The following C8orf34 variants were observed in gnomAD, a reference collection of about 807,000 sequenced individuals.
The protein encoded by C8orf34 is uncharacterized protein C8orf34.
Under a neutral mutation model 68.3 loss-of-function variants are expected in C8orf34, and 65 were observed. The ratio of observed to expected loss-of-function variants is 0.95; its 90% CI spans 0.78 to 1.17. The LOEUF (loss-of-function observed/expected upper bound fraction) is 1.17, where lower values mean the gene tolerates loss of function less well. Among genes scored for constraint, C8orf34 ranks in the 50% most tolerant of loss-of-function variants. C8orf34 has a pLI of 0.00. For missense variants in C8orf34, 664 were observed against 655.4 expected (o/e 1.01, Z -0.14); for synonymous variants, 244 against 241.2 (o/e 1.01, Z -0.11).
At chr8:68,562,783 C>A (rs549597458) in intron 7 of C8orf34, among the ~76,000 whole-genome samples, 1 of 152,148 alleles carries the variant, frequency 6.6e-6, no homozygotes, top group African/African-American at 2.4e-5. Flanking sequence ...TCAGATTGGG[C>A]GATCCTTAAG....
chr8:68,677,730 A>G (rs1199323407), intron 8 of C8orf34, among the ~76,000 whole-genome samples: 1 of 152,166 alleles, frequency 6.6e-6, no homozygotes, highest in Non-Finnish European at 1.5e-5. Flanking sequence ...AAGAAATAAT[A>G]ATGATCAGAG....
intron 10 of C8orf34, among the ~76,000 whole-genome samples, chr8:68,774,495 A>C (rs1823449800): frequency 6.6e-6 from 1 of 152,044 alleles, no homozygotes; most frequent in Non-Finnish European, 1.5e-5. Context: ...GAACTACCTT[A>C]TCTCTTTCAC....
At chr8:68,430,544 G>A (rs1810411359) in intron 1 of C8orf34, among the ~76,000 whole-genome samples, 1 of 152,134 alleles carries the variant, frequency 6.6e-6, no homozygotes, top group Admixed American at 6.6e-5. Context: ...TGCAGGATTT[G>A]ATGCCAACAC....
chr8:68,784,398 C>CTTGG (rs1280125857), intron 11 of C8orf34, among the ~76,000 whole-genome samples: 1 of 152,122 alleles, frequency 6.6e-6, no homozygotes. Flanking sequence ...TGCTGTTGAC[C>CTTGG]TTGGTCACCT....
At chr8:68,372,877 C>T (rs1374416357) in intron 1 of C8orf34, among the ~76,000 whole-genome samples, 3 of 152,202 alleles carry the variant, frequency 2.0e-5, no homozygotes, top group Admixed American at 2.0e-4. Context: ...GTAACTTTAA[C>T]AGGAAGTCAG....
intron 8 of C8orf34, among the ~76,000 whole-genome samples, chr8:68,641,734 T>G (rs995881179): frequency 6.6e-6 from 1 of 152,194 alleles, no homozygotes; most frequent in Non-Finnish European, 1.5e-5. Context: ...ACAGAAAGTT[T>G]ATAAAAAATG....
chr8:68,473,575 C>T (rs772711328), intron 4 of C8orf34, among the ~76,000 whole-genome samples: 6 of 152,108 alleles, frequency 3.9e-5, no homozygotes, highest in Admixed American at 6.5e-5. Context: ...GTCTGCAACT[C>T]GATTTTACAG....
At position 68,640,524 on chromosome 8, in the gene C8orf34, A is replaced by C. The variant is rs939574406; in HGVS notation, c.1241+13A>C. 2 of 1,610,636 alleles carry C rather than the reference A, an allele frequency of 1.2e-6. No individual in the cohort carries two copies. Among genetic ancestry groups the C allele is most frequent in the African/African-American group, 2.7e-5 (2 of 74,870 alleles). On this transcript the variant is annotated intron_variant, in intron 8 of 13. Coordinates refer to ENST00000518698, the MANE Select transcript of C8orf34 (RefSeq NM_052958.4). ...CAAGGTGTGCCAGGTAAAAGACATA[A>C]TAGGTATAGTATATATAAACATGAT...
intron 1 of C8orf34, among the ~76,000 whole-genome samples, chr8:68,433,634 T>A (rs1327142249): frequency 2.0e-5 from 3 of 152,188 alleles, no homozygotes; most frequent in Non-Finnish European, 4.4e-5. Flanking sequence ...TAACCTGAAG[T>A]CATTGAAACC....
chr8:68,410,182 G>T (rs1198229278), intron 1 of C8orf34, among the ~76,000 whole-genome samples: 1 of 152,158 alleles, frequency 6.6e-6, no homozygotes, highest in Non-Finnish European at 1.5e-5. Flanking sequence ...TACTTGAATA[G>T]ATACCCTCAT....
At chr8:68,676,467 ATCAT>A (rs1313821071) in intron 8 of C8orf34, among the ~76,000 whole-genome samples, 1 of 152,184 alleles carries the variant, frequency 6.6e-6, no homozygotes, top group Non-Finnish European at 1.5e-5. Flanking sequence ...CATTGCACAG[ATCAT>A]TCAGACAGAA....
chr8:68,572,124 A>C (rs1212801120), intron 7 of C8orf34, among the ~76,000 whole-genome samples: 1 of 152,064 alleles, frequency 6.6e-6, no homozygotes, highest in East Asian at 1.9e-4. Flanking sequence ...AAACACACCT[A>C]AACATAGAAA....
chr8:68,462,144 G>A (rs1254709629), intron 3 of C8orf34, among the ~76,000 whole-genome samples: 6 of 152,008 alleles, frequency 3.9e-5, no homozygotes, highest in African/African-American at 1.5e-4. Flanking sequence ...TGCAATCCTG[G>A]TCTCTGATAA....
At chr8:68,802,753 G>A (rs2129529629) in intron 12 of C8orf34, among the ~76,000 whole-genome samples, 1 of 152,216 alleles carries the variant, frequency 6.6e-6, no homozygotes, top group South Asian at 2.1e-4. Context: ...CTCTTTAGGA[G>A]GCAATGGGCC....
At chr8:68,459,954 A>G (rs367723305) in intron 3 of C8orf34, among the ~76,000 whole-genome samples, 3 of 152,298 alleles carry the variant, frequency 2.0e-5, no homozygotes, top group Non-Finnish European at 2.9e-5. Flanking sequence ...CAGTGGGTGC[A>G]GTGCACTATG....
intron 8 of C8orf34, among the ~76,000 whole-genome samples, chr8:68,681,589 G>A (rs1251533158): frequency 6.6e-6 from 1 of 152,148 alleles, no homozygotes; most frequent in Non-Finnish European, 1.5e-5. Context: ...AACCACTATG[G>A]AGAACAGTTT....
Position 68,522,350 on chromosome 8 carries a change from G to C in C8orf34, c.938+379G>C, listed in dbSNP as rs990053883. 5.3e-5 allele frequency among the ~76,000 whole-genome samples: 8 copies of C among 152,220 alleles called. No homozygotes were observed. In the South Asian group the frequency reaches 1.5e-3, roughly 28 times the overall value. Reference sequence around the variant, plus strand: ...CAGAAAGATATTGTTAATCATCAGGGATAATAAAATTATTAAATGTATAAT... The same window carrying C: ...CAGAAAGATATTGTTAATCATCAGGCATAATAAAATTATTAAATGTATAAT... On this transcript the variant is annotated intron_variant, in intron 6 of 13. Coordinates refer to ENST00000518698, the MANE Select transcript of C8orf34 (RefSeq NM_052958.4).
At chr8:68,348,145 G>A (rs1806359455) in intron 1 of C8orf34, among the ~76,000 whole-genome samples, 1 of 152,058 alleles carries the variant, frequency 6.6e-6, no homozygotes, top group African/African-American at 2.4e-5. Flanking sequence ...TGTGTATGAT[G>A]TAAGGCAGGA....
intron 7 of C8orf34, among the ~76,000 whole-genome samples, chr8:68,589,869 G>A (rs1817330824): frequency 7.2e-6 from 1 of 138,760 alleles, no homozygotes; most frequent in Non-Finnish European, 1.5e-5. Flanking sequence ...GAGTGAGGGA[G>A]GGAGAGAGGA....
Sources: allele counts gnomAD v4.1 joint callset (sites outside exome capture counted in the v4.1 genomes callset), GRCh38; gene constraint gnomAD v4.1.1; transcripts MANE v1.5; gene names NCBI Gene and HGNC (gene_info 2026-07-23, HGNC 2026-07-21).